Variants in DNAH5 observed in about 807,000 individuals in gnomAD.
The protein encoded by DNAH5 is dynein axonemal heavy chain 5.
In DNAH5, 372 loss-of-function variants were observed where a neutral mutation model predicts 518.2. That is an observed-to-expected ratio of 0.72 (90% confidence interval 0.66 to 0.78). The LOEUF (loss-of-function observed/expected upper bound fraction) is 0.78, where lower values mean the gene tolerates loss of function less well. Ranked by LOEUF, DNAH5 falls within the 30% of genes least tolerant of loss-of-function variation. The pLI, the probability that DNAH5 is intolerant of heterozygous loss-of-function variation, is 0.00. For synonymous variants in DNAH5, 2,039 were observed against 2,025.9 expected (o/e 1.01, Z -0.17); for missense variants, 5,523 against 5,687.0 (o/e 0.97, Z 0.93).
chr5:13,974,067 C>T (rs1343569835), intron 1 of DNAH5, among the ~76,000 whole-genome samples: 1 of 152,070 alleles, frequency 6.6e-6, no homozygotes, highest in Non-Finnish European at 1.5e-5. Context: ...GGTATTCCCA[C>T]TGAGATCCCT....
chr5:13,698,752 C>T (rs894469731), intron 78 of DNAH5, among the ~76,000 whole-genome samples: 2 of 152,186 alleles, frequency 1.3e-5, no homozygotes, highest in Non-Finnish European at 2.9e-5. Context: ...AAACAGGACA[C>T]TTAGTTGTAA....
intron 75 of DNAH5, among the ~76,000 whole-genome samples, chr5:13,710,348 C>A (rs1262701947): frequency 1.3e-5 from 2 of 152,136 alleles, no homozygotes; most frequent in Non-Finnish European, 2.9e-5. Flanking sequence ...TCTGACAGAG[C>A]CTACTCAAAT....
Position 13,864,550 on chromosome 5 carries a change from C to T in DNAH5, c.4443G>A (p.Pro1481=), listed in dbSNP as rs141196881. Residue 1481 remains proline (P), a synonymous_variant, in exon 28 of 79, where the codon CCG becomes CCA. Coordinates refer to ENST00000265104, the MANE Select transcript of DNAH5 (RefSeq NM_001369.3). ...CTTTACTGGCCATGTATTCCAGCAG[C>T]GGGCAACACTCGCTGAAATCATCAA... ...KIIDDFSECC[P]LLEYMASKAM... is the part of the protein sequence containing the mutation. 1.7e-5 allele frequency: 28 copies of T among 1,614,078 alleles called. No homozygotes were observed. Among genetic ancestry groups the T allele is most frequent in the South Asian group, 1.2e-4 (11 of 91,072 alleles).
At position 13,737,375 on chromosome 5, in the gene DNAH5, C is replaced by T; in HGVS notation, c.11332G>A (p.Asp3778Asn). 2 of 1,614,170 alleles carry T rather than the reference C, an allele frequency of 1.2e-6. No homozygotes were observed. Among genetic ancestry groups the T allele is most frequent in the South Asian group, 2.2e-5 (2 of 91,080 alleles). ...CTCAGCACGACAATGAGACTTTCAT[C>T]TTCTACCAGGGACCCCTGGGTACTT... ...LTSTQGSLVE[D>N]ESLIVVLSNT... The change falls in exon 66 of 79, where the codon GAT (aspartate) becomes AAT (asparagine). Residue 3778 changes from aspartate (D) to asparagine (N), a missense_variant. Around this residue, in one of 3 missense-constraint regions of DNAH5, gnomAD observed 5,121 missense variants for 5,223.3 expected, o/e 0.98. Coordinates refer to ENST00000265104, the MANE Select transcript of DNAH5 (RefSeq NM_001369.3).
chr5:13,867,616 GA>G (rs3058927), intron 25 of DNAH5, among the ~76,000 whole-genome samples, 157 bp downstream of exon 25: 1 of 151,634 alleles, frequency 6.6e-6, no homozygotes, highest in South Asian at 2.1e-4. Flanking sequence ...AAAGAATTGT[GA>G]AAAAAAATGT....
chr5:13,982,108 C>T (rs1782714013), intron 1 of DNAH5, among the ~76,000 whole-genome samples: 1 of 152,210 alleles, frequency 6.6e-6, no homozygotes, highest in African/African-American at 2.4e-5. Context: ...CACTGTGCTG[C>T]CAAACTGCAA....
At position 13,886,001 on chromosome 5, in the gene DNAH5, G is replaced by A. The variant is rs778689338; in HGVS notation, c.2706C>T (p.Ser902=). 2.5e-6 allele frequency: 4 copies of A among 1,612,866 alleles called. No individual in the cohort carries two copies. Among genetic ancestry groups the A allele is most frequent in the Non-Finnish European group, 2.5e-6 (3 of 1,179,722 alleles). Residue 902 remains serine, a synonymous_variant, in exon 18 of 79, where the codon TCC becomes TCT. Coordinates refer to ENST00000265104, the MANE Select transcript of DNAH5 (RefSeq NM_001369.3). ...TTTTGTAATTAACACTATTCTCATT[G>A]GATATTTTTTCACTTTCTTCTTCAG... is the stretch of plus-strand genomic sequence containing the variant. ...VLSEEESEKI[S]NENSVNYKNE...
chr5:13,795,870 T>A (rs1320336559), intron 47 of DNAH5, among the ~76,000 whole-genome samples: 3 of 152,214 alleles, frequency 2.0e-5, no homozygotes, highest in African/African-American at 7.2e-5. Context: ...GTTGGCTTCA[T>A]CCCTGGGATG....
At chr5:13,754,697 C>T (rs566851900) in intron 61 of DNAH5, among the ~76,000 whole-genome samples, 9 of 152,174 alleles carry the variant, frequency 5.9e-5, no homozygotes, top group African/African-American at 2.2e-4. Flanking sequence ...CGCCACCACA[C>T]CCCGCTAATT....
chr5:13,914,372 G>A (rs957890293), intron 10 of DNAH5, 148 bp downstream of exon 10: 45 of 973,704 alleles, frequency 4.6e-5, no homozygotes, highest in Admixed American at 1.3e-4. Context: ...TTCCTGGGAA[G>A]GTATATTAAC....
intron 31 of DNAH5, 71 bp downstream of exon 31, chr5:13,850,581 A>C: frequency 7.0e-7 from 1 of 1,418,586 alleles, no homozygotes; most frequent in Non-Finnish European, 1.0e-6. Context: ...AATTTGGCTA[A>C]TGCTATCTAG....
rs1752474067 is a variant in DNAH5 at position 13,766,070 on chromosome 5, G to T, written c.10007C>A (p.Ala3336Asp). 2 of 1,614,052 alleles carry T rather than the reference G, an allele frequency of 1.2e-6. No individual in the cohort carries two copies. The highest frequency in any genetic ancestry group is 2.7e-5 in the African/African-American group (2 of 74,942). Reference sequence around the variant, plus strand: ...GCTTTTTTCCAGGTCAATTTTCACAGCACTGACTTTCCTTTGAAACAGCAG... The same window carrying T: ...GCTTTTTTCCAGGTCAATTTTCACATCACTGACTTTCCTTTGAAACAGCAG... Reference protein sequence around the residue: ...VLLLFQRKVSAVKIDLEKSCT... With the variant: ...VLLLFQRKVSDVKIDLEKSCT... Residue 3336 changes from alanine to aspartate, a missense_variant, in exon 59 of 79, where the codon GCT becomes GAT. Transcript: ENST00000265104.
chr5:13,954,587 T>C (rs1780640848), intron 1 of DNAH5, among the ~76,000 whole-genome samples: 1 of 152,296 alleles, frequency 6.6e-6, no homozygotes, highest in African/African-American at 2.4e-5. Context: ...GAAAACATGT[T>C]CCTGAGAGAG....
Position 13,870,963 on chromosome 5 carries a change from C to T in DNAH5, c.3638G>A (p.Trp1213Ter). ...KFALTAETKA[W>*]MVVIGRHCNK... ...ACAGTGGCGTCCAATGACAACCATC[C>T]AGGCCTTTGTCTCAGCAGTCAGGGC... The change falls in exon 24 of 79, where the codon TGG becomes TAG. Residue 1213 changes from tryptophan (W) to a stop codon, truncating the protein, a stop_gained. Transcript: ENST00000265104. LOFTEE classifies it high-confidence loss of function. 6.2e-7 allele frequency: 1 copy of T among 1,613,712 alleles called. No homozygotes were observed. The highest frequency in any genetic ancestry group is 8.5e-7 in the Non-Finnish European group (1 of 1,179,794).
chr5:13,829,784 A>G, intron 37 of DNAH5, 80 bp from the exon 38 acceptor site: 2 of 1,397,998 alleles, frequency 1.4e-6, no homozygotes, highest in Non-Finnish European at 2.0e-6. Flanking sequence ...CATTATGTAC[A>G]CACAACAAAT....
At chr5:13,923,131 T>C (rs1777486351) in intron 4 of DNAH5, 149 bp downstream of exon 4, 3 of 1,018,528 alleles carry the variant, frequency 2.9e-6, no homozygotes, top group African/African-American at 1.6e-5. Flanking sequence ...TCCTCTTAAT[T>C]TCTTGCTTTA....
At chr5:13,946,074 T>C (rs540641193), upstream of DNAH5, among the ~76,000 whole-genome samples, 57 of 152,280 alleles carry the variant, frequency 3.7e-4, no homozygotes, top group Middle Eastern at 3.4e-3. Flanking sequence ...GCATCTCCTA[T>C]CCATCCCAAG....
Position 13,845,282 on chromosome 5 carries a change from A to G in DNAH5, c.5115-289T>C, listed in dbSNP as rs114012368. ...GCACAGTCTGGAAAATCTTGTATAT[A>G]CTAGGTAGAGAGTCAGATAAAAACA... On this transcript the variant is annotated intron_variant, in intron 31 of 78. Transcript: ENST00000265104. 0.016 allele frequency among the ~76,000 whole-genome samples: 2,448 copies of G among 151,864 alleles called. 39 individuals carry two copies. The highest frequency in any genetic ancestry group is 0.049 in the Admixed American group (747 of 15,248).
At chr5:13,794,137 AC>A in intron 47 of DNAH5, 79 bp from the exon 48 acceptor site, 2 of 1,583,048 alleles carry the variant, frequency 1.3e-6, no homozygotes, top group Non-Finnish European at 1.7e-6. Flanking sequence ...AACAACAAAA[AC>A]TGGTAACCTT....
Sources: gnomAD v4.1 joint callset for allele counts (sites outside exome capture counted in the v4.1 genomes callset) on GRCh38, gnomAD v4.1.1 for gene constraint, gnomAD v4.1.1 regional missense constraint, MANE v1.5 for transcripts, NCBI Gene and HGNC (gene_info 2026-07-23, HGNC 2026-07-21) for gene names.